The following COL28A1 variants were observed in gnomAD, a reference collection of about 807,000 sequenced individuals.
The protein encoded by COL28A1 is collagen alpha-1(XXVIII) chain.
A neutral mutation model predicts 150.2 loss-of-function variants in COL28A1; 161 were observed. The ratio of observed to expected loss-of-function variants is 1.07; its 90% CI spans 0.94 to 1.22. The LOEUF is 1.22. Among genes scored for constraint, COL28A1 ranks in the 50% most tolerant of loss-of-function variants. The pLI, the probability that COL28A1 is intolerant of heterozygous loss-of-function variation, is 0.00. For missense variants in COL28A1, 1,617 were observed against 1,388.3 expected (o/e 1.16, Z -2.62); for synonymous variants, 552 against 469.7 (o/e 1.18, Z -2.26).
At chr7:7,385,808 A>G (rs1782148666) in intron 27 of COL28A1, among the ~76,000 whole-genome samples, 1 of 152,206 alleles carries the variant, frequency 6.6e-6, no homozygotes, top group African/African-American at 2.4e-5. Context: ...AGATTTCCCT[A>G]TAATAAAGGC....
At chr7:7,474,146 T>G (rs979077452) in intron 15 of COL28A1, among the ~76,000 whole-genome samples, 1 of 150,900 alleles carries the variant, frequency 6.6e-6, no homozygotes, top group Non-Finnish European at 1.5e-5. Context: ...TGCAGTGACC[T>G]GAATGAGATT....
intron 13 of COL28A1, among the ~76,000 whole-genome samples, chr7:7,486,933 A>G (rs1779653489): frequency 6.6e-6 from 1 of 152,112 alleles, no homozygotes; most frequent in African/African-American, 2.4e-5. Flanking sequence ...TTGTTTTGGT[A>G]TCAGGGGAAA....
intron 23 of COL28A1, among the ~76,000 whole-genome samples, chr7:7,435,558 A>T (rs189812416): frequency 4.6e-5 from 7 of 152,306 alleles, no homozygotes; most frequent in African/African-American, 1.7e-4. Flanking sequence ...AGCAATAAAA[A>T]CAGGAGAGGC....
chr7:7,506,492 G>A (rs1321642861), intron 10 of COL28A1, among the ~76,000 whole-genome samples: 7 of 152,180 alleles, frequency 4.6e-5, no homozygotes, highest in East Asian at 1.9e-4. Context: ...AAAGAAGTTA[G>A]TGGTTAACTA....
intron 25 of COL28A1, among the ~76,000 whole-genome samples, chr7:7,429,932 T>C (rs1303923478): frequency 6.6e-6 from 1 of 152,142 alleles, no homozygotes; most frequent in Admixed American, 6.5e-5. Context: ...GGCAGCATAT[T>C]AGCCATTTCA....
At chr7:7,342,786 ATAT>A in the COL28A1 span, among the ~76,000 whole-genome samples, 2 of 151,988 alleles carry the variant, frequency 1.3e-5, no homozygotes. Context: ...ATGATTATTA[ATAT>A]TATTTGGGCA....
intron 21 of COL28A1, among the ~76,000 whole-genome samples, chr7:7,439,516 A>G (rs1358658911): frequency 6.6e-6 from 1 of 152,240 alleles, no homozygotes; most frequent in African/African-American, 2.4e-5. Flanking sequence ...CATGAAAAGT[A>G]TCATGGAGAG....
upstream of COL28A1, among the ~76,000 whole-genome samples, chr7:7,536,360 T>A (rs1782637955): frequency 1.3e-5 from 2 of 150,662 alleles, no homozygotes; most frequent in African/African-American, 4.9e-5. Flanking sequence ...GAAAGAGTGG[T>A]CTGAGTATAG....
chr7:7,506,905 T>C (rs1359339013), intron 10 of COL28A1, among the ~76,000 whole-genome samples: 1 of 152,094 alleles, frequency 6.6e-6, no homozygotes, highest in Non-Finnish European at 1.5e-5. Flanking sequence ...CTTTAGGGAG[T>C]CTTAGTTAAG....
At chr7:7,505,207 T>A (rs1780744467) in intron 11 of COL28A1, among the ~76,000 whole-genome samples, 2 of 152,158 alleles carry the variant, frequency 1.3e-5, no homozygotes, top group Non-Finnish European at 2.9e-5. Context: ...CCCTACAACT[T>A]CAGTTTAATA....
rs181155844 is a variant in COL28A1, at chr7:7,415,148, G to C, written c.2136+2711C>G. Among the ~76,000 whole-genome samples, 394 of 152,266 alleles carry C rather than the reference G, an allele frequency of 2.6e-3. 1 individual carries two copies. The highest frequency in any genetic ancestry group is 9.0e-3 in the African/African-American group (373 of 41,538). On this transcript the variant is annotated intron_variant, in intron 27 of 34. Coordinates refer to ENST00000399429, the MANE Select transcript of COL28A1 (RefSeq NM_001037763.3). ...CCTTATTTCTCCCATAAGTGGAAGG[G>C]GATAGAGAGACAGAGTACAGTTCAG... is the stretch of plus-strand genomic sequence containing the variant.
rs542874572 is a variant in COL28A1 at position 7,398,467 on chromosome 7, A to G, written c.2137-16855T>C. Among the ~76,000 whole-genome samples the G allele has an allele frequency of 1.1e-4, 16 of 152,324 alleles. No individual in the cohort carries two copies. In the South Asian group the frequency reaches 2.7e-3, roughly 26 times the overall value. On this transcript the variant is annotated intron_variant, in intron 27 of 34. Coordinates refer to ENST00000399429, the MANE Select transcript of COL28A1 (RefSeq NM_001037763.3). ...CTTAACTATGTTGATTGCTTCATGG[A>G]TACATGCTCACAATTTTGATTTTCT...
Position 7,431,259 on chromosome 7 carries a change from A to T in COL28A1, c.1998+1214T>A, listed in dbSNP as rs765969325. On this transcript the variant is annotated intron_variant, in intron 25 of 34. Coordinates refer to ENST00000399429, the MANE Select transcript of COL28A1 (RefSeq NM_001037763.3). ...TCATTTATTCATTTTCCATTCATTC[A>T]ACAAGTTGTAGAGCTCCTACTGAAT... 159 of 184,244 alleles carry T rather than the reference A, an allele frequency of 8.6e-4. 2 individuals are homozygous for T. The highest frequency in any genetic ancestry group is 8.5e-4 in the Non-Finnish European group (73 of 85,582). The allele number at this position is 184,244 out of a possible 1,614,324, so 11.4% of individuals were successfully genotyped here.
chr7:7,471,550 C>T (rs1000082975), intron 15 of COL28A1, among the ~76,000 whole-genome samples: 10 of 152,126 alleles, frequency 6.6e-5, no homozygotes, highest in African/African-American at 2.4e-4. Context: ...AACAGGGATG[C>T]AGGGATGGGT....
chr7:7,535,134 G>A (rs1782575231), intron 1 of COL28A1, among the ~76,000 whole-genome samples: 1 of 152,224 alleles, frequency 6.6e-6, no homozygotes, highest in Admixed American at 6.6e-5. Flanking sequence ...TTAGTTAAGT[G>A]AAAGAAATGT....
chr7:7,542,941 TG>T, the COL28A1 span, among the ~76,000 whole-genome samples: 33 of 152,052 alleles, frequency 2.2e-4, no homozygotes, highest in Non-Finnish European at 4.3e-4. Context: ...GTGGAAGAAA[TG>T]AAGGAGAAAG....
rs548993669 is a variant in COL28A1 at position 7,531,798 on chromosome 7, C to A, written c.231G>T (p.Lys77Asn). 1.2e-6 allele frequency: 2 copies of A among 1,604,018 alleles called. No homozygotes were observed. Among genetic ancestry groups the A allele is most frequent in the African/African-American group, 2.7e-5 (2 of 74,762 alleles). ...QKDFVDSLSD[K>N]IFQLTPGRSL... Reference sequence around the variant, plus strand: ...AGCGACCAGGAGTCAATTGGAAAATCTTGTCACTCAAGCTATCCACAAAAT... The same window carrying A: ...AGCGACCAGGAGTCAATTGGAAAATATTGTCACTCAAGCTATCCACAAAAT... The change falls in exon 3 of 35, where the codon AAG (lysine) becomes AAT (asparagine). Residue 77 changes from lysine (K) to asparagine (N), a missense_variant. By Grantham distance (94) the Lys-to-Asn change is moderately conservative. Transcript: ENST00000399429.
chr7:7,507,439 T>C (rs1780873457), intron 9 of COL28A1, among the ~76,000 whole-genome samples: 1 of 152,244 alleles, frequency 6.6e-6, no homozygotes, highest in African/African-American at 2.4e-5. Flanking sequence ...GTAAAGAAAT[T>C]ACTTTATAAG....
intron 32 of COL28A1, 80 bp from the exon 33 acceptor site, chr7:7,370,962 C>G (rs1018050844): frequency 2.1e-6 from 2 of 933,290 alleles, no homozygotes; most frequent in African/African-American, 3.4e-5. Context: ...GATCTGCACT[C>G]TCCTTAAAAT....
Sources: allele counts gnomAD v4.1 joint callset (sites outside exome capture counted in the v4.1 genomes callset), GRCh38; gene constraint gnomAD v4.1.1; transcripts MANE v1.5; gene names NCBI Gene and HGNC (gene_info 2026-07-23, HGNC 2026-07-21).